Variants in PHF20L1 observed in about 807,000 individuals in gnomAD.
PHF20L1 encodes the protein PHD finger protein 20-like protein 1.
A neutral mutation model predicts 125.5 loss-of-function variants in PHF20L1; 44 were observed. That is an observed-to-expected ratio of 0.35 (90% CI 0.28 to 0.45). The LOEUF is 0.45. Ranked by LOEUF, PHF20L1 falls within the 20% of genes least tolerant of loss-of-function variation. The pLI, the probability that PHF20L1 is intolerant of heterozygous loss-of-function variation, is 1.00. For synonymous variants in PHF20L1, 380 were observed against 403.1 expected (o/e 0.94, Z 0.69); for missense variants, 1,012 against 1,217.2 (o/e 0.83, Z 2.51).
intron 9 of PHF20L1, 23 bp from the exon 10 acceptor site, chr8:132,814,614 T>A (rs1414167435): frequency 1.3e-6 from 2 of 1,500,976 alleles, no homozygotes; most frequent in Non-Finnish European, 1.8e-6. Context: ...AATAAAAATA[T>A]CAATTTTTTA....
intron 8 of PHF20L1, chr8:132,806,970 C>T (rs955984262): frequency 2.6e-5 from 4 of 152,008 alleles, no homozygotes; most frequent in South Asian, 2.1e-4. Flanking sequence ...GCCACATACA[C>T]ACCATGTGAT....
At position 132,845,861 on chromosome 8, in the gene PHF20L1, A is replaced by G. The variant is rs1468290173; in HGVS notation, c.2992A>G (p.Ile998Val). 2 of 1,612,334 alleles carry G rather than the reference A, an allele frequency of 1.2e-6. No homozygotes were observed. Among genetic ancestry groups the G allele is most frequent in the African/African-American group, 1.3e-5 (1 of 74,868 alleles). ...LARLPQLKRH[I>V]KQLLIDMGKV... is the part of the protein sequence containing the mutation. ...AAGATTGCCCCAACTTAAACGCCAC[A>G]TAAAACAGCTCCTAATTGACATGGG... Residue 998 changes from isoleucine (I) to valine (V), a missense_variant, in exon 21 of 21, where the codon ATA (isoleucine) becomes GTA (valine). Transcript: ENST00000395386.
chr8:132,839,135 G>T (rs565593785), intron 17 of PHF20L1: 6 of 436,662 alleles, frequency 1.4e-5, no homozygotes, highest in Admixed American at 3.6e-5. Context: ...TACACTCAAG[G>T]TTCCCTTTGC....
intron 2 of PHF20L1, among the ~76,000 whole-genome samples, chr8:132,779,768 G>A (rs947761065): frequency 6.6e-6 from 1 of 152,146 alleles, no homozygotes; most frequent in Admixed American, 6.5e-5. Context: ...CTACAAAAAA[G>A]AACTTTTAAA....
At chr8:132,780,033 A>C (rs1381236013) in intron 2 of PHF20L1, among the ~76,000 whole-genome samples, 1 of 152,108 alleles carries the variant, frequency 6.6e-6, no homozygotes, top group East Asian at 1.9e-4. Context: ...TTTTATTTTT[A>C]TAAGCTGATT....
At chr8:132,788,320 A>G (rs1831286676) in intron 2 of PHF20L1, among the ~76,000 whole-genome samples, 1 of 152,162 alleles carries the variant, frequency 6.6e-6, no homozygotes, top group Non-Finnish European at 1.5e-5. Context: ...TTATCCATAT[A>G]AACAAGAAAG....
intron 9 of PHF20L1, among the ~76,000 whole-genome samples, chr8:132,814,031 C>G (rs2131660439): frequency 6.6e-6 from 1 of 151,300 alleles, no homozygotes; most frequent in African/African-American, 2.4e-5. Context: ...AGTCTTTTAA[C>G]TCTATATTGC....
rs1836857825 is a variant in PHF20L1 at position 132,832,231 on chromosome 8, G to A, written c.1745-4G>A. The stretch of plus-strand genomic sequence containing the variant: ...AATATTTCTTTCTGTATCTTATGTT[G>A]CAGACTATTCAGACTATGAAGACAG... On this transcript the variant is annotated splice_region_variant and splice_polypyrimidine_tract_variant and intron_variant, in intron 14 of 20. Transcript: ENST00000395386. 2.6e-6 allele frequency: 4 copies of A among 1,547,430 alleles called. No individual in the cohort carries two copies. The highest frequency in any genetic ancestry group is 1.7e-4 in the Middle Eastern group (1 of 5,884).
chr8:132,799,206 T>C, intron 6 of PHF20L1, 34 bp downstream of exon 6: 2 of 1,357,300 alleles, frequency 1.5e-6, no homozygotes, highest in South Asian at 1.3e-5. Context: ...TTTGTTTTGT[T>C]TTTCCTGGTA....
At chr8:132,823,977 CT>C (rs775501589) in intron 12 of PHF20L1, 26 bp from the exon 13 acceptor site, 5 of 1,437,988 alleles carry the variant, frequency 3.5e-6, no homozygotes, top group Non-Finnish European at 3.9e-6. Flanking sequence ...TCTGATTAAA[CT>C]TACATATTTT....
At chr8:132,839,044 G>A in intron 17 of PHF20L1, 1 of 198,020 alleles carries the variant, frequency 5.0e-6, no homozygotes. Context: ...GTTAGTGAGA[G>A]AAATAACCCC....
chr8:132,811,813 G>GC, intron 9 of PHF20L1: 1 of 984,838 alleles, frequency 1.0e-6, no homozygotes, highest in Non-Finnish European at 1.2e-6. Flanking sequence ...CGCAGTAATA[G>GC]CCATAACTGG....
At chr8:132,809,793 A>C (rs994707223) in intron 8 of PHF20L1, 1 of 152,084 alleles carries the variant, frequency 6.6e-6, no homozygotes, top group Admixed American at 6.6e-5. Context: ...AAAAACAAAT[A>C]CTTGTTCTAG....
At chr8:132,775,759 C>G (rs557432788) in intron 1 of PHF20L1, 114 bp downstream of exon 1, 44 of 261,134 alleles carry the variant, frequency 1.7e-4, no homozygotes, top group African/African-American at 8.1e-4. Context: ...CCTCCCTCCC[C>G]GTAACTCGCC....
At chr8:132,796,777 A>G (rs1189883581) in intron 4 of PHF20L1, among the ~76,000 whole-genome samples, 1 of 152,102 alleles carries the variant, frequency 6.6e-6, no homozygotes, top group African/African-American at 2.4e-5. Context: ...TCCAGAGCCT[A>G]GCACATAGTA....
chr8:132,839,954 GA>G (rs1304752787), intron 18 of PHF20L1, among the ~76,000 whole-genome samples: 1 of 152,076 alleles, frequency 6.6e-6, no homozygotes, highest in Non-Finnish European at 1.5e-5. Flanking sequence ...TAAGCAGGGT[GA>G]GTATTTTTTT....
intron 14 of PHF20L1, chr8:132,826,263 G>A (rs1000701134): frequency 1.3e-5 from 2 of 152,066 alleles, no homozygotes; most frequent in Non-Finnish European, 2.9e-5. Context: ...TGTTTCAGAC[G>A]TGCTGTATTG....
At chr8:132,801,840 G>A (rs1162530119) in intron 6 of PHF20L1, among the ~76,000 whole-genome samples, 3 of 151,630 alleles carry the variant, frequency 2.0e-5, no homozygotes, top group Non-Finnish European at 4.4e-5. Context: ...TCCCATGCAA[G>A]TCATATGATT....
In PHF20L1 at chr8:132,846,000, G is replaced by T; in HGVS notation, c.*77G>T. On this transcript the variant is annotated 3_prime_UTR_variant, in exon 21 of 21. Coordinates refer to ENST00000395386, the MANE Select transcript of PHF20L1 (RefSeq NM_016018.5). ...TTATTATCCACGTGATGGCTAAGTGGATAATTTAAAAGCTTAGTAATGTCT... is the reference window on the plus strand; with the variant it reads ...TTATTATCCACGTGATGGCTAAGTGTATAATTTAAAAGCTTAGTAATGTCT... 1 of 1,129,340 alleles carries T rather than the reference G, an allele frequency of 8.9e-7. No individual in the cohort carries two copies. The highest frequency in any genetic ancestry group is 2.1e-5 in the Admixed American group (1 of 48,506). The allele number at this position is 1,129,340 out of a possible 1,614,324, so 70.0% of individuals were successfully genotyped here.
Sources: allele counts gnomAD v4.1 joint callset (sites outside exome capture counted in the v4.1 genomes callset), GRCh38; gene constraint gnomAD v4.1.1; transcripts MANE v1.5; gene names NCBI Gene and HGNC (gene_info 2026-07-23, HGNC 2026-07-21).